PCDH15: variants seen among roughly 807,000 people sequenced by gnomAD.
PCDH15 encodes the protein protocadherin related 15.
Under a neutral mutation model 178.5 loss-of-function variants are expected in PCDH15, and 129 were observed. The observed-to-expected ratio is 0.72, with a 90% CI of 0.63 to 0.84. The LOEUF (loss-of-function observed/expected upper bound fraction) is 0.84. Among genes scored for constraint, PCDH15 ranks in the 40% least tolerant of loss-of-function variants. The pLI is 0.00. For missense variants in PCDH15, 2,230 were observed against 2,099.9 expected (o/e 1.06, Z -1.21); for synonymous variants, 800 against 732.0 (o/e 1.09, Z -1.50).
At chr10:54,734,781 A>G (rs1398813138) in intron 1 of PCDH15, among the ~76,000 whole-genome samples, 1 of 152,022 alleles carries the variant, frequency 6.6e-6, no homozygotes, top group Admixed American at 6.6e-5. Flanking sequence ...TCAAATGGAT[A>G]TCCTAACTGA....
chr10:54,130,149 C>T (rs982039858), intron 15 of PCDH15, among the ~76,000 whole-genome samples: 3 of 152,066 alleles, frequency 2.0e-5, no homozygotes, highest in African/African-American at 7.2e-5. Context: ...GAGGAAGCTG[C>T]TTGAGTGAAC....
chr10:54,619,545 T>C (rs1265614899), intron 2 of PCDH15, among the ~76,000 whole-genome samples: 1 of 151,996 alleles, frequency 6.6e-6, no homozygotes, highest in Non-Finnish European at 1.5e-5. Context: ...TGTTCATGTT[T>C]TCAGTAAATA....
At position 54,236,841 on chromosome 10, in the gene PCDH15, G is replaced by A; in HGVS notation, c.967C>T (p.Leu323Phe). 1.2e-6 allele frequency: 2 copies of A among 1,612,746 alleles called. No homozygotes were observed. Among genetic ancestry groups the A allele is most frequent in the Non-Finnish European group, 1.7e-6 (2 of 1,178,854 alleles). Reference sequence around the variant, plus strand: ...TACAAACCAACAAGGATGGAATAGAGGATTCCTGGCCTATCTGATGGCGGT... The same window carrying A: ...TACAAACCAACAAGGATGGAATAGAAGATTCCTGGCCTATCTGATGGCGGT... ...IQPPSDRPGI[L>F]YSILVGTPED... The change falls in exon 9 of 38, where the codon CTC (leucine) becomes TTC (phenylalanine). Residue 323 changes from leucine (L) to phenylalanine (F), a missense_variant. Transcript: ENST00000644397.
At chr10:55,281,364 A>C (rs1311279544) in intron 1 of PCDH15, among the ~76,000 whole-genome samples, 1 of 151,976 alleles carries the variant, frequency 6.6e-6, no homozygotes, top group Non-Finnish European at 1.5e-5. Flanking sequence ...TATACTATTA[A>C]ATTTCATGTT....
At chr10:55,151,477 A>T (rs1456758383) in intron 2 of PCDH15, among the ~76,000 whole-genome samples, 1 of 152,122 alleles carries the variant, frequency 6.6e-6, no homozygotes, top group Non-Finnish European at 1.5e-5. Flanking sequence ...AGTGATCTAA[A>T]AATACACAAG....
At chr10:54,297,682 G>A (rs945023878) in intron 8 of PCDH15, among the ~76,000 whole-genome samples, 3 of 152,090 alleles carry the variant, frequency 2.0e-5, no homozygotes, top group Admixed American at 6.6e-5. Flanking sequence ...CCTTTAAGTA[G>A]GGGGAGGGGA....
intron 1 of PCDH15, among the ~76,000 whole-genome samples, chr10:55,271,037 C>A (rs1051331755): frequency 6.6e-6 from 1 of 152,010 alleles, no homozygotes. Context: ...AACACAAGAA[C>A]AGAAAACCAA....
intron 3 of PCDH15, among the ~76,000 whole-genome samples, chr10:54,870,976 T>C (rs1954029187): frequency 6.6e-6 from 1 of 152,120 alleles, no homozygotes; most frequent in Non-Finnish European, 1.5e-5. Flanking sequence ...ACTCAGGTTT[T>C]TACTTATAGC....
At chr10:54,660,329 A>C (rs1225148388) in intron 2 of PCDH15, among the ~76,000 whole-genome samples, 1 of 152,174 alleles carries the variant, frequency 6.6e-6, no homozygotes. Flanking sequence ...ATGGTAGACT[A>C]TGAATATCTC....
chr10:55,292,115 TC>T (rs1283134487), intron 1 of PCDH15, among the ~76,000 whole-genome samples: 7 of 151,960 alleles, frequency 4.6e-5, no homozygotes, highest in Admixed American at 4.6e-4. Context: ...TTCCCAACAG[TC>T]CCCCAAAGTC....
chr10:55,475,784 T>G (rs564288793), intron 2 of PCDH15, among the ~76,000 whole-genome samples: 2 of 152,240 alleles, frequency 1.3e-5, no homozygotes, highest in East Asian at 3.9e-4. Context: ...GTCCCAAGCC[T>G]TTTGGATAAG....
chr10:54,627,873 T>G (rs1482421265), intron 2 of PCDH15, among the ~76,000 whole-genome samples: 1 of 152,166 alleles, frequency 6.6e-6, no homozygotes, highest in East Asian at 1.9e-4. Flanking sequence ...TCCCAGTCAA[T>G]AAAAATGCTC....
intron 2 of PCDH15, among the ~76,000 whole-genome samples, chr10:55,612,682 T>C (rs1471421235): frequency 1.3e-5 from 2 of 152,144 alleles, no homozygotes; most frequent in East Asian, 3.9e-4. Context: ...AACATAAGTA[T>C]ATATTTTAGA....
intron 2 of PCDH15, among the ~76,000 whole-genome samples, chr10:55,595,844 A>T: frequency 6.6e-6 from 1 of 152,262 alleles, no homozygotes; most frequent in East Asian, 1.9e-4. Flanking sequence ...AAAAATCTCT[A>T]AAATAATTTT....
intron 1 of PCDH15, among the ~76,000 whole-genome samples, chr10:54,747,073 A>AG: frequency 6.6e-6 from 1 of 152,364 alleles, no homozygotes; most frequent in South Asian, 2.1e-4. Flanking sequence ...AATGTCCTCT[A>AG]GATAAGTTCA....
Position 54,549,823 on chromosome 10 carries a change from G to A in PCDH15, c.92-21946C>T, listed in dbSNP as rs958625454. ...TGTTAAATTATTTTTGTACGTCTGC[G>A]ATTTTTTAATTTATATTTTAAACTA... On this transcript the variant is annotated intron_variant, in intron 2 of 37. Transcript: ENST00000644397. Among the ~76,000 whole-genome samples the A allele has an allele frequency of 9.9e-5, 15 of 151,994 alleles. No homozygotes were observed. The South Asian group carries it at 1.5e-3, about 15-fold the overall frequency.
chr10:54,527,185 G>A (rs904638631), intron 3 of PCDH15, among the ~76,000 whole-genome samples: 1 of 152,052 alleles, frequency 6.6e-6, no homozygotes, highest in African/African-American at 2.4e-5. Flanking sequence ...AGAGAGTCAA[G>A]GTGGCCGATG....
intron 8 of PCDH15, among the ~76,000 whole-genome samples, chr10:54,250,534 C>T (rs536218823): frequency 3.3e-5 from 5 of 152,066 alleles, no homozygotes; most frequent in Non-Finnish European, 5.9e-5. Flanking sequence ...CCACTTGCCT[C>T]GGCCTCTCAA....
intron 2 of PCDH15, among the ~76,000 whole-genome samples, chr10:55,426,200 G>A (rs1044226030): frequency 1.8e-4 from 27 of 152,104 alleles, no homozygotes; most frequent in African/African-American, 3.9e-4. Flanking sequence ...AGGACTTAAC[G>A]AAGCAGGATA....
Sources: allele counts gnomAD v4.1 joint callset (sites outside exome capture counted in the v4.1 genomes callset), GRCh38; gene constraint gnomAD v4.1.1; transcripts MANE v1.5; gene names NCBI Gene and HGNC (gene_info 2026-07-23, HGNC 2026-07-21).